NADSYN1: variants seen among roughly 807,000 people sequenced by gnomAD.
NADSYN1 encodes the protein glutamine-dependent NAD(+) synthetase.
A neutral mutation model predicts 99.3 loss-of-function variants in NADSYN1; 80 were observed. The observed-to-expected ratio is 0.81, with a 90% CI of 0.67 to 0.97. NADSYN1 has a LOEUF of 0.97. NADSYN1 is among the 50% of genes least tolerant of loss of function. The pLI, the probability that NADSYN1 is intolerant of heterozygous loss-of-function variation, is 0.00. For synonymous variants in NADSYN1, 385 were observed against 372.1 expected (o/e 1.03, Z -0.40); for missense variants, 859 against 948.5 (o/e 0.91, Z 1.24).
At chr11:71,471,163 G>A (rs1949624499) in intron 5 of NADSYN1, among the ~76,000 whole-genome samples, 1 of 152,196 alleles carries the variant, frequency 6.6e-6, no homozygotes, top group African/African-American at 2.4e-5. Context: ...GGTGTCAGGT[G>A]TCACACTGGG....
chr11:71,494,924 CTT>C (rs1216576780), intron 18 of NADSYN1, among the ~76,000 whole-genome samples: 3 of 151,928 alleles, frequency 2.0e-5, no homozygotes, highest in African/African-American at 7.3e-5. Context: ...AGTCTTCACT[CTT>C]TTTTCTTGGT....
At chr11:71,456,334 C>T (rs1949514448) in intron 2 of NADSYN1, among the ~76,000 whole-genome samples, 1 of 152,242 alleles carries the variant, frequency 6.6e-6, no homozygotes, top group East Asian at 1.9e-4. Flanking sequence ...TTGATTGATT[C>T]TTTAAGAAAT....
rs371881712 is a variant in NADSYN1 at position 71,497,505 on chromosome 11, C to A, written c.1787C>A (p.Ala596Glu). ...TDEEDMGMTYAELSVYGKLRK... is the reference protein window; with the variant it reads ...TDEEDMGMTYEELSVYGKLRK... ...CAGGAAGATATGGGGATGACATATG[C>A]GGAGCTCTCGGTCTATGGGAAACTC... is the stretch of plus-strand genomic sequence containing the variant. Residue 596 changes from alanine to glutamate, a missense_variant, in exon 19 of 21, where the codon GCG (alanine) becomes GAG (glutamate). Coordinates refer to ENST00000319023, the MANE Select transcript of NADSYN1 (RefSeq NM_018161.5). The A allele has an allele frequency of 6.2e-7, 1 of 1,614,096 alleles. No individual in the cohort carries two copies. Among genetic ancestry groups the A allele is most frequent in the Non-Finnish European group, 8.5e-7 (1 of 1,180,002 alleles).
rs373606016 is a variant in NADSYN1 at position 71,472,542 on chromosome 11, G to A, written c.459+42G>A. 6.0e-5 allele frequency: 93 copies of A among 1,562,984 alleles called. No homozygotes were observed. The African/African-American group carries it at 8.8e-4, about 15-fold the overall frequency. On this transcript the variant is annotated intron_variant, in intron 6 of 20. Coordinates refer to ENST00000319023, the MANE Select transcript of NADSYN1 (RefSeq NM_018161.5). The stretch of plus-strand genomic sequence containing the variant: ...GGAGCCCGTTTTTCAGTCGGTTGTC[G>A]CTGTTCTCGGCCAACAGTGGACCAG...
At chr11:71,477,198 T>C in intron 9 of NADSYN1, 1 of 1,182,092 alleles carries the variant, frequency 8.5e-7, no homozygotes, top group Non-Finnish European at 1.1e-6. Context: ...GCTTGTCGTG[T>C]GCCTGGAGTC....
chr11:71,493,434 A>G (rs1949797322), intron 18 of NADSYN1, among the ~76,000 whole-genome samples: 1 of 151,990 alleles, frequency 6.6e-6, no homozygotes, highest in Non-Finnish European at 1.5e-5. Context: ...CTTTTTAGTA[A>G]CCTCCTTAAG....
chr11:71,461,113 G>A (rs556295865), intron 3 of NADSYN1, among the ~76,000 whole-genome samples: 7 of 152,208 alleles, frequency 4.6e-5, no homozygotes, highest in South Asian at 2.1e-4. Flanking sequence ...CCATTCCCAC[G>A]TAAGGTAAAA....
chr11:71,487,882 T>C (rs989098597), intron 16 of NADSYN1, among the ~76,000 whole-genome samples: 5 of 148,424 alleles, frequency 3.4e-5, no homozygotes, highest in African/African-American at 7.4e-5. Context: ...AACGTAAACG[T>C]AATCCCTCAG....
chr11:71,464,189 C>CCAG, intron 5 of NADSYN1, 47 bp downstream of exon 5: 2 of 1,457,572 alleles, frequency 1.4e-6, no homozygotes, highest in Non-Finnish European at 1.9e-6. Flanking sequence ...TAAGCACCTC[C>CCAG]GCTGTGTGTA....
chr11:71,462,425 T>C (rs1029454430), intron 3 of NADSYN1, among the ~76,000 whole-genome samples: 10 of 152,156 alleles, frequency 6.6e-5, no homozygotes, highest in Non-Finnish European at 1.5e-4. Context: ...TGGAAGCCCG[T>C]CCCTGGCCCC....
Position 71,478,423 on chromosome 11 carries a change from AG to A in NADSYN1, c.829del (p.Asp277ThrfsTer25). ...VEVLTATLDL[E>X]DVRSYRAEIS... ...GTCCTGACGGCCACGCTGGATCTGG[AG>A]GACGTCCGGAGCTACAGGGCGGAGA... On this transcript the variant is annotated frameshift_variant, in exon 10 of 21. Coordinates refer to ENST00000319023, the MANE Select transcript of NADSYN1 (RefSeq NM_018161.5). LOFTEE classifies it high-confidence loss of function. The A allele has an allele frequency of 6.2e-7, 1 of 1,609,310 alleles. No individual in the cohort carries two copies. The highest frequency in any genetic ancestry group is 8.5e-7 in the Non-Finnish European group (1 of 1,177,930).
At chr11:71,483,100 G>A (rs1201239315) in intron 14 of NADSYN1, 83 bp downstream of exon 14, 3 of 1,521,140 alleles carry the variant, frequency 2.0e-6, no homozygotes, top group Non-Finnish European at 2.7e-6. Flanking sequence ...GAGTGCATTG[G>A]TGACTGGCTT....
intron 2 of NADSYN1, among the ~76,000 whole-genome samples, chr11:71,457,707 G>C (rs1461882936): frequency 6.6e-6 from 1 of 152,166 alleles, no homozygotes; most frequent in African/African-American, 2.4e-5. Context: ...CCAGCTCCTG[G>C]TGGTTCCAGG....
intron 16 of NADSYN1, among the ~76,000 whole-genome samples, chr11:71,487,428 C>G (rs1010688023): frequency 6.6e-6 from 1 of 152,198 alleles, no homozygotes; most frequent in Non-Finnish European, 1.5e-5. Flanking sequence ...CCCCTCACAA[C>G]TCTTGTCCAT....
intron 16 of NADSYN1, among the ~76,000 whole-genome samples, chr11:71,488,946 A>T (rs1949761728): frequency 1.3e-5 from 2 of 151,984 alleles, no homozygotes; most frequent in Admixed American, 1.3e-4. Flanking sequence ...TGGTGAGGAG[A>T]TGAGAGCAGG....
At position 71,484,479 on chromosome 11, in the gene NADSYN1, G is replaced by A; in HGVS notation, c.1455+32G>A. ...CCGCCTGGGCCGGCGTCCCCTGGGG[G>A]TGGGGGTGCAGGGAGCACTGGGACA... is the stretch of plus-strand genomic sequence containing the variant. On this transcript the variant is annotated intron_variant, in intron 15 of 20. Transcript: ENST00000319023. 4 of 1,600,028 alleles carry A rather than the reference G, an allele frequency of 2.5e-6. No individual in the cohort carries two copies. The South Asian group carries it at 4.5e-5, about 18-fold the overall frequency.
chr11:71,482,685 A>T (rs1949716988), intron 13 of NADSYN1, 164 bp from the exon 14 acceptor site: 3 of 508,768 alleles, frequency 5.9e-6, no homozygotes, highest in East Asian at 3.5e-5. Context: ...GTGGAGCCGC[A>T]CAGGCACCTG....
chr11:71,468,604 T>C (rs1949608677), intron 5 of NADSYN1, among the ~76,000 whole-genome samples: 1 of 152,104 alleles, frequency 6.6e-6, no homozygotes, highest in South Asian at 2.1e-4. Context: ...TCTTTAAAAG[T>C]CCAGTAGAAA....
intron 18 of NADSYN1, among the ~76,000 whole-genome samples, chr11:71,492,989 G>A (rs2120513210): frequency 6.6e-6 from 1 of 151,898 alleles, no homozygotes; most frequent in East Asian, 1.9e-4. Context: ...CCTGGCTCAA[G>A]CGATTCTCCT....
Sources: gnomAD v4.1 joint callset for allele counts (sites outside exome capture counted in the v4.1 genomes callset) on GRCh38, gnomAD v4.1.1 for gene constraint, MANE v1.5 for transcripts, NCBI Gene and HGNC (gene_info 2026-07-23, HGNC 2026-07-21) for gene names.